Variants in COL25A1 observed in about 807,000 individuals in gnomAD.
The protein encoded by COL25A1 is collagen type XXV alpha 1 chain.
In COL25A1, 103 loss-of-function variants were observed where a neutral mutation model predicts 128.4. The ratio of observed to expected loss-of-function variants is 0.80; its 90% CI spans 0.68 to 0.94. COL25A1 has a LOEUF of 0.94. Among genes scored for constraint, COL25A1 ranks in the 40% least tolerant of loss-of-function variants. COL25A1 has a pLI of 0.00. For missense variants in COL25A1, 745 were observed against 840.0 expected, an observed-to-expected ratio of 0.89 and a Z score of 1.40; for synonymous variants, 279 against 277.2, an observed-to-expected ratio of 1.01 and a Z score of -0.06.
At chr4:109,103,052 C>A (rs1207730193) in intron 3 of COL25A1, among the ~76,000 whole-genome samples, 1 of 152,078 alleles carries the variant, frequency 6.6e-6, no homozygotes, top group East Asian at 1.9e-4. Context: ...ATTCAAGAAA[C>A]AAAAGATCTC....
At chr4:109,081,041 C>T (rs891456352) in intron 3 of COL25A1, among the ~76,000 whole-genome samples, 1 of 152,106 alleles carries the variant, frequency 6.6e-6, no homozygotes, top group African/African-American at 2.4e-5. Context: ...ACATTGCTGG[C>T]GAGTAGGGTC....
chr4:109,213,399 C>T (rs1215383449), intron 3 of COL25A1, among the ~76,000 whole-genome samples: 4 of 152,162 alleles, frequency 2.6e-5, no homozygotes, highest in Admixed American at 6.5e-5. Flanking sequence ...GGATATGGCA[C>T]AAGAGATGCT....
At chr4:108,905,578 T>C (rs1456356346) in intron 13 of COL25A1, among the ~76,000 whole-genome samples, 1 of 151,472 alleles carries the variant, frequency 6.6e-6, no homozygotes, top group Non-Finnish European at 1.5e-5. Flanking sequence ...TTTACCTTTT[T>C]TCAATGTGGT....
rs1442076277 is a variant in COL25A1 at position 108,809,410 on chromosome 4, C to T, written c.*4517G>A. On this transcript the variant is annotated 3_prime_UTR_variant, in exon 38 of 38. Transcript: ENST00000399132. The stretch of plus-strand genomic sequence containing the variant: ...ACATAAATGTCAACAGTATGTAAGA[C>T]ATTCTTTTGTGAATCCAATTCGTTA... 1 of 151,998 alleles carries T rather than the reference C, an allele frequency of 6.6e-6. No homozygotes were observed. Among genetic ancestry groups the T allele is most frequent in the Non-Finnish European group, 1.5e-5 (1 of 67,940 alleles). 9.4% of individuals were successfully genotyped at this position (151,998 alleles called of 1,614,324 possible). A position where few individuals can be genotyped will look rare whatever the true frequency, so the allele number is the denominator to read the frequency against.
At chr4:108,916,090 T>G (rs765374589) in intron 13 of COL25A1, among the ~76,000 whole-genome samples, 4 of 152,188 alleles carry the variant, frequency 2.6e-5, no homozygotes, top group African/African-American at 9.6e-5. Flanking sequence ...CACTTTCTTT[T>G]CCTAAAAATG....
intron 3 of COL25A1, among the ~76,000 whole-genome samples, chr4:109,200,259 A>G (rs921807998): frequency 3.9e-5 from 6 of 152,150 alleles, no homozygotes; most frequent in African/African-American, 1.4e-4. Flanking sequence ...CAGTCTTTCC[A>G]TGCCTAGGAG....
chr4:109,206,510 A>T (rs561468124), intron 3 of COL25A1, among the ~76,000 whole-genome samples: 2 of 152,308 alleles, frequency 1.3e-5, no homozygotes, highest in South Asian at 4.1e-4. Flanking sequence ...ACAGCCCTAG[A>T]GAGGTCATTA....
At chr4:109,146,988 G>A (rs1026974503) in intron 3 of COL25A1, among the ~76,000 whole-genome samples, 9 of 152,004 alleles carry the variant, frequency 5.9e-5, no homozygotes, top group Non-Finnish European at 8.8e-5. Flanking sequence ...CATCAAAACC[G>A]TGTAAAACCC....
intron 3 of COL25A1, among the ~76,000 whole-genome samples, chr4:109,271,695 A>G (rs900681456): frequency 1.3e-5 from 2 of 152,208 alleles, no homozygotes; most frequent in African/African-American, 4.8e-5. Context: ...CTTTACATCA[A>G]AAACTTCAAC....
At chr4:108,842,437 A>C (rs1578511402) in intron 30 of COL25A1, among the ~76,000 whole-genome samples, 1 of 152,214 alleles carries the variant, frequency 6.6e-6, no homozygotes, top group East Asian at 1.9e-4. Context: ...TATACAGACT[A>C]GTCAACTTAA....
intron 3 of COL25A1, among the ~76,000 whole-genome samples, chr4:109,108,618 G>T (rs944193589): frequency 6.6e-6 from 1 of 152,068 alleles, no homozygotes; most frequent in African/African-American, 2.4e-5. Context: ...TGTCTTCCAC[G>T]ATGGTTGAAC....
intron 5 of COL25A1, among the ~76,000 whole-genome samples, chr4:109,015,873 G>A (rs572772475): frequency 4.7e-4 from 71 of 152,228 alleles, no homozygotes; most frequent in Non-Finnish European, 8.8e-4. Context: ...ATTCTTTGTT[G>A]GACTGTTGTT....
intron 6 of COL25A1, among the ~76,000 whole-genome samples, chr4:108,999,954 C>T (rs112381085): frequency 0.14 from 20,859 of 151,854 alleles, 2,095 homozygotes; most frequent in East Asian, 0.4. Flanking sequence ...CATCACACAC[C>T]GGGGCCTGTT....
chr4:108,862,777 GGATGA>G (rs1560767003), intron 21 of COL25A1, among the ~76,000 whole-genome samples: 1 of 152,120 alleles, frequency 6.6e-6, no homozygotes, highest in African/African-American at 2.4e-5. Context: ...TCCCATCAGT[GGATGA>G]GAAGAGTTCT....
chr4:108,839,410 A>G lies in COL25A1; in HGVS notation c.1656+2285T>C, dbSNP rs1024796395. Among the ~76,000 whole-genome samples, 4 of 152,218 alleles carry G rather than the reference A, an allele frequency of 2.6e-5. 1 individual carries two copies. Among genetic ancestry groups the G allele is most frequent in the Non-Finnish European group, 5.9e-5 (4 of 68,034 alleles). On this transcript the variant is annotated intron_variant, in intron 31 of 37. Coordinates refer to ENST00000399132, the MANE Select transcript of COL25A1 (RefSeq NM_198721.4). ...ATAGGATGTTTGCAGTACAGCCACTATAGCAAGTCCAAATGTGTTGGTGTT... is the reference window on the plus strand; with the variant it reads ...ATAGGATGTTTGCAGTACAGCCACTGTAGCAAGTCCAAATGTGTTGGTGTT...
At chr4:108,858,522 A>G (rs1736784096) in intron 24 of COL25A1, among the ~76,000 whole-genome samples, 1 of 152,222 alleles carries the variant, frequency 6.6e-6, no homozygotes, top group Non-Finnish European at 1.5e-5. Flanking sequence ...GGTATCACTA[A>G]CAGAAACCGG....
intron 6 of COL25A1, 36 bp downstream of exon 6, chr4:109,010,322 A>T: frequency 6.5e-7 from 1 of 1,540,198 alleles, no homozygotes; most frequent in Non-Finnish European, 8.8e-7. Flanking sequence ...GAAAATCCTA[A>T]ATTGAAAATA....
chr4:109,123,314 A>C (rs1285057871), intron 3 of COL25A1, among the ~76,000 whole-genome samples: 1 of 152,052 alleles, frequency 6.6e-6, no homozygotes, highest in Non-Finnish European at 1.5e-5. Context: ...CCTAAAAAAA[A>C]AACAGGTTGT....
rs372531012 is a variant in COL25A1 at position 108,907,655 on chromosome 4, A to G, written c.781-6483T>C. Among the ~76,000 whole-genome samples the G allele has an allele frequency of 7.9e-5, 12 of 152,244 alleles. No homozygotes were observed. The East Asian group carries it at 1.7e-3, about 22-fold the overall frequency. ...GGAAGTAACTTTTCCAGAGACAAAA[A>G]GCCACAAAGAGGTAGATGTGAGATT... On this transcript the variant is annotated intron_variant, in intron 13 of 37. Transcript: ENST00000399132.
Sources: gnomAD v4.1 joint callset for allele counts (sites outside exome capture counted in the v4.1 genomes callset) on GRCh38, gnomAD v4.1.1 for gene constraint, MANE v1.5 for transcripts, NCBI Gene and HGNC (gene_info 2026-07-23, HGNC 2026-07-21) for gene names.